Variants in ACOT12 observed in about 807,000 individuals in gnomAD.
The protein encoded by ACOT12 is acetyl-coenzyme A thioesterase.
In ACOT12, 51 loss-of-function variants were observed where a neutral mutation model predicts 67.7. That is an observed-to-expected ratio of 0.75 (90% confidence interval 0.60 to 0.95). The LOEUF (loss-of-function observed/expected upper bound fraction) is 0.95, where lower values mean the gene tolerates loss of function less well. Among genes scored for constraint, ACOT12 ranks in the 40% least tolerant of loss-of-function variants. The pLI is 0.00. For missense variants in ACOT12, 734 were observed against 708.1 expected (o/e 1.04, Z -0.41); for synonymous variants, 251 against 244.6 (o/e 1.03, Z -0.24).
At chr5:81,351,824 A>G (rs1000977994) in intron 5 of ACOT12, among the ~76,000 whole-genome samples, 2 of 152,236 alleles carry the variant, frequency 1.3e-5, no homozygotes, top group African/African-American at 2.4e-5. Flanking sequence ...GACAACCCAC[A>G]GAATGGGAGA....
chr5:81,333,294 T>G (rs1187430916), intron 12 of ACOT12, among the ~76,000 whole-genome samples: 1 of 152,188 alleles, frequency 6.6e-6, no homozygotes, highest in Admixed American at 6.5e-5. Flanking sequence ...GAAGGATTGT[T>G]TATATAGATA....
rs1758782980 is a variant in ACOT12, at chr5:81,330,525, T to C, written c.1537A>G (p.Met513Val). Reference protein sequence around the residue: ...NSCIVSYFNHMSASILPYFAG... With the variant: ...NSCIVSYFNHVSASILPYFAG... ...AAGTAAGGAAGGATGCTAGCAGACA[T>C]ATGGTTAAAGTAAGATACCTGTTTC... is the stretch of plus-strand genomic sequence containing the variant. Residue 513 changes from methionine to valine, a missense_variant, in exon 15 of 15, where the codon ATG becomes GTG. By Grantham distance (21) the Met-to-Val change is conservative. Transcript: ENST00000307624. 6.2e-7 allele frequency: 1 copy of C among 1,613,970 alleles called. No homozygotes were observed. The highest frequency in any genetic ancestry group is 1.1e-5 in the South Asian group (1 of 91,066).
chr5:81,364,490 C>T (rs1208133928), intron 3 of ACOT12, among the ~76,000 whole-genome samples: 1 of 151,732 alleles, frequency 6.6e-6, no homozygotes, highest in Admixed American at 6.6e-5. Flanking sequence ...TGCAGTGGCA[C>T]GATCTTGGCT....
intron 2 of ACOT12, among the ~76,000 whole-genome samples, chr5:81,373,085 C>T (rs4703834): frequency 0.18 from 27,386 of 152,172 alleles, 2,605 homozygotes; most frequent in Admixed American, 0.22. Context: ...GATGGCCGAA[C>T]AGGAGCAGCT....
chr5:81,309,012 A>T, the ACOT12 span: 12 of 1,612,722 alleles, frequency 7.4e-6, no homozygotes, highest in Non-Finnish European at 1.0e-5. Flanking sequence ...TCTTGTCCTG[A>T]TAATCCCAAA....
At chr5:81,313,350 G>C in the ACOT12 span, 1 of 152,208 alleles carries the variant, frequency 6.6e-6, no homozygotes, top group Non-Finnish European at 1.5e-5. Flanking sequence ...CAGTTTAACA[G>C]CAGCTCTTTT....
chr5:81,375,182 A>G lies in ACOT12; in HGVS notation c.198-3372T>C, dbSNP rs928857020. 2.6e-5 allele frequency among the ~76,000 whole-genome samples: 4 copies of G among 152,248 alleles called. No individual in the cohort carries two copies. In the East Asian group the frequency reaches 7.7e-4, roughly 29 times the overall value. ...GCAAGCCAGAAGAGAGTGGCGGCCA[A>G]TATTCAACATTCTTAAAGAAAAGAA... On this transcript the variant is annotated intron_variant, in intron 2 of 14. Coordinates refer to ENST00000307624, the MANE Select transcript of ACOT12 (RefSeq NM_130767.3).
chr5:81,328,574 CA>C (rs1221863518), downstream of ACOT12, among the ~76,000 whole-genome samples: 1 of 152,162 alleles, frequency 6.6e-6, no homozygotes, highest in Non-Finnish European at 1.5e-5. Context: ...AGCCTAAATG[CA>C]TTGCTATCTT....
chr5:81,365,052 C>T (rs901494625), intron 3 of ACOT12, among the ~76,000 whole-genome samples: 3 of 152,122 alleles, frequency 2.0e-5, no homozygotes, highest in Non-Finnish European at 4.4e-5. Flanking sequence ...GGCTAGATTT[C>T]CCCCTGTGTG....
chr5:81,342,400 G>A (rs553509602), intron 11 of ACOT12, among the ~76,000 whole-genome samples: 2 of 152,206 alleles, frequency 1.3e-5, no homozygotes, highest in Non-Finnish European at 2.9e-5. Context: ...TCTAGATCAG[G>A]TGGGATTTGG....
the ACOT12 span, chr5:81,308,672 G>C: frequency 4.5e-5 from 73 of 1,613,196 alleles, no homozygotes; most frequent in Non-Finnish European, 6.0e-5. Context: ...CACAGAGCAC[G>C]AAATAACCAA....
chr5:81,320,278 G>GC, the ACOT12 span, among the ~76,000 whole-genome samples: 58 of 152,218 alleles, frequency 3.8e-4, no homozygotes, highest in African/African-American at 1.4e-3. Context: ...ACTTTGAGCT[G>GC]CCTGGGAAAG....
the ACOT12 span, among the ~76,000 whole-genome samples, chr5:81,323,259 G>C: frequency 3.3e-5 from 5 of 152,072 alleles, no homozygotes; most frequent in Non-Finnish European, 5.9e-5. Context: ...CATTTATTTA[G>C]CTCATGCCCG....
chr5:81,377,013 A>G, intron 2 of ACOT12, among the ~76,000 whole-genome samples: 1 of 152,224 alleles, frequency 6.6e-6, no homozygotes, highest in Non-Finnish European at 1.5e-5. Context: ...TCCTGATACC[A>G]AGACCTGGCA....
intron 5 of ACOT12, among the ~76,000 whole-genome samples, chr5:81,350,802 C>T (rs951277335): frequency 6.6e-6 from 1 of 152,120 alleles, no homozygotes; most frequent in African/African-American, 2.4e-5. Flanking sequence ...GGCTAAGGCT[C>T]TCTGGAGGGT....
At chr5:81,393,959 G>T in intron 1 of ACOT12, 29 bp downstream of exon 1, 1 of 1,305,496 alleles carries the variant, frequency 7.7e-7, no homozygotes, top group South Asian at 2.3e-5. Flanking sequence ...CCGGTCCCGC[G>T]CCTCCCCGCA....
chr5:81,358,742 C>T (rs112589436), intron 5 of ACOT12, among the ~76,000 whole-genome samples: 70 of 151,852 alleles, frequency 4.6e-4, no homozygotes, highest in African/African-American at 1.5e-3. Flanking sequence ...CCAGCTACTT[C>T]GGAGGCTGAG....
intron 3 of ACOT12, among the ~76,000 whole-genome samples, chr5:81,365,865 C>T (rs914274780): frequency 4.0e-5 from 6 of 151,888 alleles, no homozygotes; most frequent in African/African-American, 1.5e-4. Context: ...GGTTAGAGTA[C>T]CAGAGAAGGA....
Position 81,347,887 on chromosome 5 carries a change from GCCCCTT to G in ACOT12, c.534_539del (p.Arg179_Gly180del), listed in dbSNP as rs759788762. ...CCAGTTCAATGCTCTGAACGGAGGTGCCCCTTGTGGAAACCGCTCCTTCCTCTTCAT... is the reference window on the plus strand; with the variant it reads ...CCAGTTCAATGCTCTGAACGGAGGTGGTGGAAACCGCTCCTTCCTCTTCAT... On this transcript the variant is annotated inframe_deletion, in exon 6 of 15. Coordinates refer to ENST00000307624, the MANE Select transcript of ACOT12 (RefSeq NM_130767.3). 6.2e-7 allele frequency: 1 copy of G among 1,613,772 alleles called. No homozygotes were observed. Among genetic ancestry groups the G allele is most frequent in the Non-Finnish European group, 8.5e-7 (1 of 1,179,948 alleles).
Sources: allele counts gnomAD v4.1 joint callset (sites outside exome capture counted in the v4.1 genomes callset), GRCh38; gene constraint gnomAD v4.1.1; transcripts MANE v1.5; gene names NCBI Gene and HGNC (gene_info 2026-07-23, HGNC 2026-07-21).